ALDOA: variants seen among roughly 807,000 people sequenced by gnomAD.
ALDOA encodes fructose-bisphosphate aldolase A.
ALDOA carries 26 observed loss-of-function variants against 43.9 expected under a neutral mutation model. That is an observed-to-expected ratio of 0.59 (90% CI 0.43 to 0.82). The LOEUF is 0.82. ALDOA is among the 40% of genes least tolerant of loss of function. The probability of loss-of-function intolerance (pLI) is 0.00; values close to 1 mark genes in which losing one functional copy is unlikely to be tolerated. For synonymous variants in ALDOA, 258 were observed against 222.6 expected, an observed-to-expected ratio of 1.16 and a Z score of -1.42; for missense variants, 498 against 549.5, an observed-to-expected ratio of 0.91 and a Z score of 0.94.
At chr16:30,068,055 T>C (rs970389055) in intron 4 of ALDOA, 6 of 239,912 alleles carry the variant, frequency 2.5e-5, no homozygotes, top group African/African-American at 1.4e-4. Context: ...CTAAACATTT[T>C]AAGTAAATTT....
At chr16:30,069,061 C>T in intron 6 of ALDOA, 83 bp downstream of exon 6, 1 of 1,587,024 alleles carries the variant, frequency 6.3e-7, no homozygotes, top group Non-Finnish European at 8.6e-7. Context: ...TGCCATGATG[C>T]CTACCTCCCC....
Position 30,069,929 on chromosome 16 carries a change from T to C in ALDOA, c.1061T>C (p.Phe354Ser). 2 of 1,614,002 alleles carry C rather than the reference T, an allele frequency of 1.2e-6. No homozygotes were observed. The highest frequency in any genetic ancestry group is 1.7e-6 in the Non-Finnish European group (2 of 1,179,972). Residue 354 changes from phenylalanine to serine, a missense_variant, in exon 9 of 10, where the codon TTC becomes TCC. Transcript: ENST00000642816. The stretch of plus-strand genomic sequence containing the variant: ...CTGCTGAAGCCCTGGGCCCTGACCT[T>C]CTCCTACGGCCGAGCCCTGCAGGCC... Reference protein sequence around the residue: ...CPLLKPWALTFSYGRALQASA... With the variant: ...CPLLKPWALTSSYGRALQASA...
chr16:30,066,735 T>C (rs1555480143), intron 1 of ALDOA, 150 bp from the exon 2 acceptor site: 1 of 829,714 alleles, frequency 1.2e-6, no homozygotes, highest in Non-Finnish European at 1.8e-6. Flanking sequence ...AAGAGCTGGG[T>C]TCTAATCTCA....
intron 1 of ALDOA, among the ~76,000 whole-genome samples, chr16:30,066,471 T>TC (rs758885252): frequency 1.1e-4 from 16 of 152,246 alleles, no homozygotes; most frequent in Non-Finnish European, 2.4e-4. Context: ...CGCTTGCTCC[T>TC]CCACGTTCTT....
chr16:30,067,406 G>A, intron 3 of ALDOA, 40 bp downstream of exon 3: 1 of 1,613,910 alleles, frequency 6.2e-7, no homozygotes, highest in Non-Finnish European at 8.5e-7. Context: ...GTGCAGGGTT[G>A]GGAGTGGCAG....
At chr16:30,069,759 A>G (rs748293364) in intron 8 of ALDOA, 71 bp from the exon 9 acceptor site, 26 of 1,611,820 alleles carry the variant, frequency 1.6e-5, no homozygotes, top group Non-Finnish European at 2.0e-5. Flanking sequence ...TTCCATGGCA[A>G]CTTCCACCAG....
At chr16:30,068,730 A>G (rs1412849354) in intron 5 of ALDOA, 30 bp downstream of exon 5, 1 of 1,614,208 alleles carries the variant, frequency 6.2e-7, no homozygotes. Context: ...CTGCCCTACG[A>G]ACCCAACCAG....
chr16:30,070,063 G>A (rs1423709664), intron 9 of ALDOA, 34 bp downstream of exon 9: 1 of 1,613,590 alleles, frequency 6.2e-7, no homozygotes, highest in Non-Finnish European at 8.5e-7. Context: ...AGGGTGCCTG[G>A]GTGGATGGGA....
At chr16:30,068,142 G>A (rs1000808684) in intron 4 of ALDOA, 7 of 254,526 alleles carry the variant, frequency 2.8e-5, no homozygotes, top group South Asian at 7.9e-5. Flanking sequence ...TTGGCTCACT[G>A]CAAGTTCCGC....
In ALDOA at chr16:30,070,021, C is replaced by T. The variant is rs750630916; in HGVS notation, c.1153C>T (p.Arg385Ter). 1.9e-6 allele frequency: 3 copies of T among 1,613,622 alleles called. No individual in the cohort carries two copies. Among genetic ancestry groups the T allele is most frequent in the Non-Finnish European group, 2.5e-6 (3 of 1,180,018 alleles). The change falls in exon 9 of 10, where the codon CGA becomes TGA. Residue 385 changes from arginine to a stop codon, truncating the protein, a stop_gained. Transcript: ENST00000642816. LOFTEE classifies it high-confidence loss of function. Reference sequence around the variant, plus strand: ...GGCTGCGCAGGAGGAGTATGTCAAGCGAGCCCTGGTAAGGATAGGCAGGAG... The same window carrying T: ...GGCTGCGCAGGAGGAGTATGTCAAGTGAGCCCTGGTAAGGATAGGCAGGAG... ...LKAAQEEYVKRALANSLACQG... is the reference protein window; with the variant it reads ...LKAAQEEYVK
chr16:30,067,802 A>G (rs2072175015), intron 4 of ALDOA, 141 bp downstream of exon 4: 1 of 918,762 alleles, frequency 1.1e-6, no homozygotes, highest in African/African-American at 1.6e-5. Flanking sequence ...CATTTACTCG[A>G]CATTTTTAAT....
chr16:30,064,462 G>A, upstream of ALDOA: 2 of 398,668 alleles, frequency 5.0e-6, no homozygotes, highest in Non-Finnish European at 8.8e-6. Context: ...ACAACCAAGG[G>A]CCTCCGTCTG....
upstream of ALDOA, among the ~76,000 whole-genome samples, chr16:30,065,219 G>C (rs2072057828): frequency 6.6e-6 from 1 of 152,162 alleles, no homozygotes; most frequent in South Asian, 2.1e-4. Flanking sequence ...CCTTTCCTCC[G>C]CCTCCCTTAC....
chr16:30,070,156 G>T lies in ALDOA; in HGVS notation c.1201G>T (p.Gly401Cys), dbSNP rs138824667. The T allele has an allele frequency of 2.5e-6, 4 of 1,614,118 alleles. No homozygotes were observed. The highest frequency in any genetic ancestry group is 1.7e-6 in the Non-Finnish European group (2 of 1,180,034). The change falls in exon 10 of 10, where the codon GGT (glycine) becomes TGT (cysteine). Residue 401 changes from glycine to cysteine, a missense_variant. Transcript: ENST00000642816. ...CTGTCAAGGAAAGTACACTCCGAGC[G>T]GTCAGGCTGGGGCTGCTGCCAGCGA... ...LACQGKYTPS[G>C]QAGAAASESL...
chr16:30,066,872 G>T lies in ALDOA; in HGVS notation c.-13-13G>T. 1 of 1,546,518 alleles carries T rather than the reference G, an allele frequency of 6.5e-7. No homozygotes were observed. Among genetic ancestry groups the T allele is most frequent in the Non-Finnish European group, 8.7e-7 (1 of 1,144,746 alleles). ...TTACATTCTAAAATACTCCGGTTCG[G>T]TTTTGTTTTCAGGCAAGGTGACCCC... On this transcript the variant is annotated splice_polypyrimidine_tract_variant and intron_variant, in intron 1 of 9. Transcript: ENST00000642816.
chr16:30,067,769 T>TGGAG, intron 4 of ALDOA, 108 bp downstream of exon 4: 1 of 1,307,840 alleles, frequency 7.6e-7, no homozygotes, highest in Non-Finnish European at 1.1e-6. Context: ...GAGACTTGCA[T>TGGAG]GGAGCCTGCT....
intron 9 of ALDOA, 43 bp downstream of exon 9, chr16:30,070,072 G>C: frequency 6.2e-7 from 1 of 1,613,594 alleles, no homozygotes; most frequent in Non-Finnish European, 8.5e-7. Flanking sequence ...GGGTGGATGG[G>C]ACTCGGAGAA....
In ALDOA at chr16:30,070,120, A is replaced by C; in HGVS notation, c.1165A>C (p.Asn389His). 1 of 1,614,036 alleles carries C rather than the reference A, an allele frequency of 6.2e-7. No individual in the cohort carries two copies. The highest frequency in any genetic ancestry group is 8.5e-7 in the Non-Finnish European group (1 of 1,180,024). Residue 389 changes from asparagine to histidine, a missense_variant, in exon 10 of 10, where the codon AAC becomes CAC. Transcript: ENST00000642816. ...CTCCACCCCTCTCCCTGCTTAGGCC[A>C]ACAGCCTTGCCTGTCAAGGAAAGTA... ...QEEYVKRALA[N>H]SLACQGKYTP...
chr16:30,069,729 C>A (rs1460318013), intron 8 of ALDOA, 56 bp downstream of exon 8: 1 of 1,611,698 alleles, frequency 6.2e-7, no homozygotes, highest in Non-Finnish European at 8.5e-7. Flanking sequence ...ACCCACAACC[C>A]TATGCCCATT....
Sources: allele counts gnomAD v4.1 joint callset (sites outside exome capture counted in the v4.1 genomes callset), GRCh38; gene constraint gnomAD v4.1.1; transcripts MANE v1.5; gene names NCBI Gene and HGNC (gene_info 2026-07-23, HGNC 2026-07-21).